The following ERC2 variants were observed in gnomAD, a reference collection of about 807,000 sequenced individuals.
The protein encoded by ERC2 is ERC protein 2.
In ERC2, 42 loss-of-function variants were observed where a neutral mutation model predicts 114.8. That is an observed-to-expected ratio of 0.37 (90% CI 0.29 to 0.47). The LOEUF (loss-of-function observed/expected upper bound fraction) is 0.47. Ranked by LOEUF, ERC2 falls within the 20% of genes least tolerant of loss-of-function variation. The pLI is 0.99. For missense variants in ERC2, 939 were observed against 1,150.7 expected (o/e 0.82, Z 2.66); for synonymous variants, 454 against 425.5 (o/e 1.07, Z -0.82).
chr3:55,822,422 T>C (rs2149159318), intron 14 of ERC2, among the ~76,000 whole-genome samples: 1 of 152,310 alleles, frequency 6.6e-6, no homozygotes, highest in Admixed American at 6.5e-5. Flanking sequence ...TTAATTAAAT[T>C]ATCTTGTTTT....
chr3:56,327,807 T>G (rs2057433370), intron 2 of ERC2, among the ~76,000 whole-genome samples: 1 of 152,096 alleles, frequency 6.6e-6, no homozygotes, highest in African/African-American at 2.4e-5. Flanking sequence ...ATCCTTCCAG[T>G]TTATATGATG....
intron 4 of ERC2, among the ~76,000 whole-genome samples, chr3:56,156,098 A>G (rs1375158880): frequency 6.6e-6 from 1 of 152,196 alleles, no homozygotes; most frequent in Non-Finnish European, 1.5e-5. Flanking sequence ...AACTGTGGAG[A>G]CGACAAAACC....
At chr3:56,281,208 C>T (rs549643204) in intron 3 of ERC2, among the ~76,000 whole-genome samples, 1 of 151,792 alleles carries the variant, frequency 6.6e-6, no homozygotes, top group African/African-American at 2.4e-5. Context: ...GAGGCCGAGG[C>T]GGGCGGATCA....
intron 2 of ERC2, among the ~76,000 whole-genome samples, chr3:56,325,666 A>G (rs1334670966): frequency 3.3e-5 from 5 of 152,176 alleles, no homozygotes; most frequent in Non-Finnish European, 5.9e-5. Context: ...TGTCATTATG[A>G]ACTATATGTA....
chr3:55,666,341 G>C (rs2061356006), intron 17 of ERC2, among the ~76,000 whole-genome samples: 1 of 152,158 alleles, frequency 6.6e-6, no homozygotes, highest in Admixed American at 6.5e-5. Context: ...CACCTTGACT[G>C]TTGGTCCCCT....
At chr3:56,119,174 T>C (rs1349573408) in intron 6 of ERC2, among the ~76,000 whole-genome samples, 2 of 152,250 alleles carry the variant, frequency 1.3e-5, no homozygotes, top group Non-Finnish European at 2.9e-5. Context: ...TGTTGACCTC[T>C]GCTTTAAACC....
At chr3:56,170,433 TCA>T (rs2082572722) in intron 4 of ERC2, among the ~76,000 whole-genome samples, 2 of 152,254 alleles carry the variant, frequency 1.3e-5, no homozygotes, top group South Asian at 4.1e-4. Flanking sequence ...AGGCAAGATT[TCA>T]CAGACTTTCA....
At chr3:56,415,053 G>GT (rs1193823126) in intron 2 of ERC2, among the ~76,000 whole-genome samples, 1 of 152,164 alleles carries the variant, frequency 6.6e-6, no homozygotes, top group Admixed American at 6.6e-5. Flanking sequence ...AGAAATGCAG[G>GT]TTTTTACATG....
At chr3:55,869,985 C>A (rs1443787161) in intron 14 of ERC2, among the ~76,000 whole-genome samples, 1 of 152,072 alleles carries the variant, frequency 6.6e-6, no homozygotes, top group Admixed American at 6.6e-5. Context: ...TTGTGAAAAA[C>A]CGAATACATC....
In ERC2 at chr3:55,733,542, TCACACACA is replaced by T. The variant is rs58311179; in HGVS notation, c.2712+1221_2712+1228del. Among the ~76,000 whole-genome samples the T allele has an allele frequency of 2.7e-3, 291 of 107,842 alleles. 18 individuals carry two copies. The highest frequency in any genetic ancestry group is 2.4e-3 in the African/African-American group (67 of 27,376). 70.7% of individuals were successfully genotyped at this position (107,842 alleles called of 152,430 possible). A position where few individuals can be genotyped will look rare whatever the true frequency, so the allele number is the denominator to read the frequency against. On this transcript the variant is annotated intron_variant, in intron 15 of 17. Coordinates refer to ENST00000288221, the MANE Select transcript of ERC2 (RefSeq NM_015576.3). ...CTGTCTCTCATTCTTTCTCTCTCTC[TCACACACA>T]CACACACACACACACACACACACAC...
At chr3:55,626,156 G>A (rs2059515737) in intron 17 of ERC2, among the ~76,000 whole-genome samples, 1 of 152,206 alleles carries the variant, frequency 6.6e-6, no homozygotes, top group Non-Finnish European at 1.5e-5. Flanking sequence ...GTAACACAGG[G>A]AAATGTTTCT....
chr3:56,019,150 A>G, intron 7 of ERC2, 119 bp from the exon 8 acceptor site: 3 of 783,778 alleles, frequency 3.8e-6, no homozygotes, highest in Non-Finnish European at 5.9e-6. Context: ...AGAAATTGTC[A>G]GTAGCTTTGA....
chr3:55,518,281 T>A (rs1311403960), intron 17 of ERC2, among the ~76,000 whole-genome samples: 3 of 152,240 alleles, frequency 2.0e-5, no homozygotes, highest in African/African-American at 7.2e-5. Flanking sequence ...TACATGCATC[T>A]ACCAACCTAT....
chr3:56,420,585 G>A (rs1288195733), intron 2 of ERC2, among the ~76,000 whole-genome samples: 1 of 152,012 alleles, frequency 6.6e-6, no homozygotes, highest in Non-Finnish European at 1.5e-5. Flanking sequence ...AGTCTCCAAT[G>A]AAACTAAGGG....
intron 1 of ERC2, 126 bp from the exon 2 acceptor site, chr3:56,435,273 T>C (rs2061966529): frequency 3.3e-6 from 1 of 302,282 alleles, no homozygotes; most frequent in Non-Finnish European, 6.1e-6. Context: ...AATAGACAGA[T>C]AGAAAGAGCC....
rs1406846580 is a variant in ERC2, at chr3:55,838,651, C to CAAA, written c.2564+49735_2564+49737dup. ...TAGAAAAATACTAAAATCAAGGAAA[C>CAAA]AAAAAGTTTGTTCTTTGAAAAGATC... On this transcript the variant is annotated intron_variant, in intron 14 of 17. Transcript: ENST00000288221. Among the ~76,000 whole-genome samples the CAAA allele has an allele frequency of 2.6e-5, 4 of 151,564 alleles. No individual in the cohort carries two copies. In the East Asian group the frequency reaches 7.7e-4, roughly 29 times the overall value.
At chr3:55,854,284 C>A (rs116343295) in intron 14 of ERC2, among the ~76,000 whole-genome samples, 2,304 of 152,188 alleles carry the variant, frequency 0.015, 62 homozygotes, top group African/African-American at 0.053. Flanking sequence ...CAGGGGAAAA[C>A]AAAATAAAGC....
chr3:56,373,170 C>T (rs143103913), intron 2 of ERC2, among the ~76,000 whole-genome samples: 11 of 152,136 alleles, frequency 7.2e-5, no homozygotes, highest in Admixed American at 2.0e-4. Context: ...TTTTACACAC[C>T]AAGACAGCAT....
At chr3:56,070,237 G>A (rs2149727441) in intron 7 of ERC2, among the ~76,000 whole-genome samples, 1 of 152,238 alleles carries the variant, frequency 6.6e-6, no homozygotes, top group East Asian at 1.9e-4. Context: ...AAATCAAATG[G>A]CCTGGGAGTA....
Sources: gnomAD v4.1 joint callset for allele counts (sites outside exome capture counted in the v4.1 genomes callset) on GRCh38, gnomAD v4.1.1 for gene constraint, MANE v1.5 for transcripts, NCBI Gene and HGNC (gene_info 2026-07-23, HGNC 2026-07-21) for gene names.